Variants in CSMD1 observed in about 807,000 individuals in gnomAD.
CSMD1 encodes the protein CUB and Sushi multiple domains 1, also known as CUB and sushi domain-containing protein 1.
A neutral mutation model predicts 417.5 loss-of-function variants in CSMD1; 213 were observed. The ratio of observed to expected loss-of-function variants is 0.51; its 90% CI spans 0.46 to 0.57. The LOEUF (loss-of-function observed/expected upper bound fraction) is 0.57, where lower values mean the gene tolerates loss of function less well. Among genes scored for constraint, CSMD1 ranks in the 20% least tolerant of loss-of-function variants. The probability of loss-of-function intolerance (pLI) is 0.00; values close to 1 mark genes in which losing one functional copy is unlikely to be tolerated. For missense variants in CSMD1, 6,923 were observed against 4,529.7 expected (o/e 1.53, Z -15.17); for synonymous variants, 2,862 against 1,736.8 (o/e 1.65, Z -16.11).
rs146034960 is a variant in CSMD1 at position 3,999,323 on chromosome 8, A to G, written c.611-1213T>C. ...TGTGTGACCGGCCTGAGCTCTTACA[A>G]AGTGCATATCTTCGACCCTACCCAC... On this transcript the variant is annotated intron_variant, in intron 4 of 69. Transcript: ENST00000635120. Among the ~76,000 whole-genome samples the G allele has an allele frequency of 2.8e-3, 427 of 152,254 alleles. 1 individual carries two copies. The highest frequency in any genetic ancestry group is 0.01 in the African/African-American group (416 of 41,552).
In CSMD1 at chr8:3,602,750, G is replaced by T. The variant is rs910564063; in HGVS notation, c.1097+13960C>A. On this transcript the variant is annotated intron_variant, in intron 8 of 69. Coordinates refer to ENST00000635120, the MANE Select transcript of CSMD1 (RefSeq NM_033225.6). ...ACACACACACACACACACACACACA[G>T]AAAAAGTGTTACAGAAGGTCATTTT... 6.7e-4 allele frequency among the ~76,000 whole-genome samples: 98 copies of T among 145,424 alleles called. No homozygotes were observed. In the East Asian group the frequency reaches 0.012, roughly 18 times the overall value.
chr8:3,654,326 T>C (rs1218551773), intron 7 of CSMD1, among the ~76,000 whole-genome samples: 3 of 152,212 alleles, frequency 2.0e-5, no homozygotes, highest in African/African-American at 7.2e-5. Flanking sequence ...TAATAATTCA[T>C]ACTAGAGTTT....
chr8:4,841,143 T>C (rs1334293526), intron 1 of CSMD1, among the ~76,000 whole-genome samples: 3 of 152,218 alleles, frequency 2.0e-5, no homozygotes, highest in Non-Finnish European at 4.4e-5. Flanking sequence ...TATTACTGAA[T>C]GCATATATAA....
At chr8:4,273,733 G>A (rs1158083216) in intron 3 of CSMD1, among the ~76,000 whole-genome samples, 1 of 152,096 alleles carries the variant, frequency 6.6e-6, no homozygotes, top group Non-Finnish European at 1.5e-5. Context: ...TAGACCATCT[G>A]GGTCAAAACA....
chr8:3,854,674 G>A (rs1804170208), intron 5 of CSMD1, among the ~76,000 whole-genome samples: 1 of 151,902 alleles, frequency 6.6e-6, no homozygotes, highest in Non-Finnish European at 1.5e-5. Context: ...AGAGGGGGAT[G>A]GAGAGTGGGC....
chr8:4,678,803 T>C (rs908724225), intron 1 of CSMD1, among the ~76,000 whole-genome samples: 1 of 152,210 alleles, frequency 6.6e-6, no homozygotes, highest in African/African-American at 2.4e-5. Context: ...ACCTTTAACC[T>C]GTATGTAGCA....
At chr8:4,449,475 C>T (rs1257259421) in intron 2 of CSMD1, among the ~76,000 whole-genome samples, 1 of 152,176 alleles carries the variant, frequency 6.6e-6, no homozygotes, top group Non-Finnish European at 1.5e-5. Flanking sequence ...TTAAAACCAT[C>T]ATCCTTCAGT....
chr8:4,021,717 G>T (rs1407258841), intron 4 of CSMD1, among the ~76,000 whole-genome samples: 1 of 152,082 alleles, frequency 6.6e-6, no homozygotes, highest in South Asian at 2.1e-4. Flanking sequence ...TCTATGTATT[G>T]TTGCAATATC....
At chr8:3,861,643 G>A (rs553340443) in intron 5 of CSMD1, among the ~76,000 whole-genome samples, 1 of 152,210 alleles carries the variant, frequency 6.6e-6, no homozygotes, top group African/African-American at 2.4e-5. Flanking sequence ...TTGTCTTGGA[G>A]ATGTATATGG....
intron 3 of CSMD1, among the ~76,000 whole-genome samples, chr8:4,200,868 T>C (rs566778082): frequency 4.7e-4 from 72 of 151,806 alleles, no homozygotes; most frequent in African/African-American, 1.4e-3. Context: ...AAAATAATGA[T>C]GATAATAATA....
At chr8:4,046,624 C>A (rs570470441) in intron 3 of CSMD1, among the ~76,000 whole-genome samples, 1 of 120,436 alleles carries the variant, frequency 8.3e-6, no homozygotes, top group Non-Finnish European at 1.9e-5. Context: ...CTTGATAATT[C>A]CATCATAACA....
chr8:3,528,850 C>A (rs955602088), intron 10 of CSMD1, among the ~76,000 whole-genome samples: 2 of 152,172 alleles, frequency 1.3e-5, no homozygotes, highest in African/African-American at 2.4e-5. Context: ...AGAATGCCAA[C>A]TAAATGAGTT....
chr8:3,155,425 T>C (rs1819464940), intron 39 of CSMD1, among the ~76,000 whole-genome samples: 1 of 128,106 alleles, frequency 7.8e-6, no homozygotes, highest in African/African-American at 2.9e-5. Context: ...TGGAGTGCAG[T>C]GGCGCGATCT....
chr8:4,183,098 A>C (rs968309447), intron 3 of CSMD1, among the ~76,000 whole-genome samples: 1 of 152,152 alleles, frequency 6.6e-6, no homozygotes, highest in Non-Finnish European at 1.5e-5. Flanking sequence ...GCGACACCCT[A>C]TATACAGAGA....
chr8:4,618,904 G>A (rs1801624103), intron 2 of CSMD1, among the ~76,000 whole-genome samples: 1 of 152,106 alleles, frequency 6.6e-6, no homozygotes, highest in African/African-American at 2.4e-5. Context: ...GTGGGCTCTA[G>A]CCATAAACTC....
At chr8:4,368,330 A>G (rs1335752363) in intron 3 of CSMD1, among the ~76,000 whole-genome samples, 2 of 152,172 alleles carry the variant, frequency 1.3e-5, no homozygotes, top group African/African-American at 2.4e-5. Context: ...GATCACAGGT[A>G]TACAGCCTAC....
At chr8:3,503,498 G>A (rs1011134760) in intron 10 of CSMD1, among the ~76,000 whole-genome samples, 40 of 152,232 alleles carry the variant, frequency 2.6e-4, no homozygotes, top group African/African-American at 9.4e-4. Flanking sequence ...CTGGCAGGAA[G>A]CCAAGAAACT....
intron 7 of CSMD1, among the ~76,000 whole-genome samples, chr8:3,701,683 T>A (rs923678623): frequency 2.0e-5 from 3 of 152,184 alleles, no homozygotes; most frequent in Non-Finnish European, 2.9e-5. Context: ...TTTTGCAAAA[T>A]GGTTCAATCA....
At chr8:3,690,509 G>A (rs1190191853) in intron 7 of CSMD1, among the ~76,000 whole-genome samples, 1 of 152,206 alleles carries the variant, frequency 6.6e-6, no homozygotes, top group Non-Finnish European at 1.5e-5. Flanking sequence ...CTAACTAGGG[G>A]ACGCCTCCCA....
Sources: gnomAD v4.1 joint callset for allele counts (sites outside exome capture counted in the v4.1 genomes callset) on GRCh38, gnomAD v4.1.1 for gene constraint, MANE v1.5 for transcripts, NCBI Gene and HGNC (gene_info 2026-07-23, HGNC 2026-07-21) for gene names.